The following ATG16L2 variants were observed in gnomAD, a reference collection of about 807,000 sequenced individuals.
The protein encoded by ATG16L2 is autophagy related 16 like 2.
In ATG16L2, 77 loss-of-function variants were observed where a neutral mutation model predicts 84.7. The observed-to-expected ratio is 0.91, with a 90% CI of 0.76 to 1.10. The LOEUF (loss-of-function observed/expected upper bound fraction) is 1.10. ATG16L2 is among the 50% of genes least tolerant of loss of function. ATG16L2 has a pLI of 0.00. For synonymous variants in ATG16L2, 361 were observed against 342.8 expected, an observed-to-expected ratio of 1.05 and a Z score of -0.59; for missense variants, 782 against 817.6, an observed-to-expected ratio of 0.96 and a Z score of 0.53.
At chr11:72,841,431 C>G in intron 5 of ATG16L2, 1 of 1,605,738 alleles carries the variant, frequency 6.2e-7, no homozygotes, top group Middle Eastern at 1.7e-4. Context: ...TGCATTTAGA[C>G]CCATGCCCAG....
intron 5 of ATG16L2, chr11:72,838,668 T>G: frequency 1.3e-6 from 1 of 778,064 alleles, no homozygotes. Flanking sequence ...CAGTCACACA[T>G]AATCCTCCTT....
Position 72,828,526 on chromosome 11 carries a change from G to A in ATG16L2, c.1622+18G>A. 6.2e-7 allele frequency: 1 copy of A among 1,614,088 alleles called. No homozygotes were observed. The highest frequency in any genetic ancestry group is 8.5e-7 in the Non-Finnish European group (1 of 1,179,998). The stretch of plus-strand genomic sequence containing the variant: ...GTGTTCAGGTACCAGCCTCATGCCT[G>A]CTGACCCTGTGGCCTTTGCTGGGAC... On this transcript the variant is annotated intron_variant, in intron 15 of 17. Transcript: ENST00000321297.
intron 5 of ATG16L2, chr11:72,838,878 A>G (rs753811747): frequency 1.0e-5 from 16 of 1,604,552 alleles, no homozygotes; most frequent in Admixed American, 3.4e-5. Context: ...CCCGGACCTG[A>G]GCAGGAAACA....
chr11:72,841,101 A>C, intron 5 of ATG16L2: 1 of 673,832 alleles, frequency 1.5e-6, no homozygotes, highest in Admixed American at 2.1e-5. Context: ...CCAGAAGTTC[A>C]AGGCTGCAGT....
intron 3 of ATG16L2, among the ~76,000 whole-genome samples, chr11:72,820,638 G>A (rs1252778345): frequency 2.0e-5 from 3 of 152,180 alleles, no homozygotes; most frequent in African/African-American, 2.4e-5. Context: ...CACATAGCGC[G>A]TCATGTCAGT....
chr11:72,824,164 G>A (rs766083733), intron 8 of ATG16L2, 42 bp downstream of exon 8: 41 of 1,612,258 alleles, frequency 2.5e-5, no homozygotes, highest in African/African-American at 6.7e-5. Context: ...CGTGTGTGTC[G>A]GGCTCCCCAG....
chr11:72,820,876 A>G (rs755193106), intron 3 of ATG16L2, among the ~76,000 whole-genome samples: 34 of 152,112 alleles, frequency 2.2e-4, no homozygotes, highest in Non-Finnish European at 8.8e-5. Context: ...GCGGGAGTGC[A>G]GATGAAATGA....
rs781724178 is a variant in ATG16L2 at position 72,825,284 on chromosome 11, C to T, written c.997-18C>T. On this transcript the variant is annotated intron_variant, in intron 9 of 17. Transcript: ENST00000321297. The stretch of plus-strand genomic sequence containing the variant: ...TGCGCGGGGAGGGCCGGGGCACCAA[C>T]CTCCCCTTTCCCCACAGGATGCCCA... 20 of 1,607,852 alleles carry T rather than the reference C, an allele frequency of 1.2e-5. No homozygotes were observed. The highest frequency in any genetic ancestry group is 1.6e-5 in the Non-Finnish European group (19 of 1,175,426).
intron 14 of ATG16L2, among the ~76,000 whole-genome samples, chr11:72,827,660 C>T (rs1480928491): frequency 2.0e-5 from 3 of 152,190 alleles, no homozygotes; most frequent in Non-Finnish European, 2.9e-5. Context: ...AGCTAGAGGC[C>T]AGGCGTGGTG....
chr11:72,820,448 A>G lies in ATG16L2; in HGVS notation c.319-1220A>G, dbSNP rs572567836. 1.3e-5 allele frequency: 2 copies of G among 152,352 alleles called. 1 individual carries two copies. Among genetic ancestry groups the G allele is most frequent in the African/African-American group, 4.8e-5 (2 of 41,576 alleles). 9.4% of individuals were successfully genotyped at this position (152,352 alleles called of 1,614,324 possible). On this transcript the variant is annotated intron_variant, in intron 3 of 17. Coordinates refer to ENST00000321297, the MANE Select transcript of ATG16L2 (RefSeq NM_033388.2). ...CCACTTCTACTACTTGAATTTTGAA[A>G]GGCATACAATAAAATATTGAATGGT...
chr11:72,822,137 G>A lies in ATG16L2; in HGVS notation c.486G>A (p.Val162=), dbSNP rs747525162. ...AGGAGTGGCGGGCGCAGAATGCGGTGCAGCGGGCAGCCTACGAGGCGCTGC... is the reference window on the plus strand; with the variant it reads ...AGGAGTGGCGGGCGCAGAATGCGGTACAGCGGGCAGCCTACGAGGCGCTGC... The part of the protein sequence containing the change: ...QVEEWRAQNA[V]QRAAYEALRA... The change falls in exon 5 of 18, where the codon GTG becomes GTA. Residue 162 remains valine (V), a synonymous_variant. Coordinates refer to ENST00000321297, the MANE Select transcript of ATG16L2 (RefSeq NM_033388.2). The surrounding 1 kb of genome is among the most constrained non-coding windows in gnomAD (Gnocchi z 4.2). 1.5e-5 allele frequency: 22 copies of A among 1,502,308 alleles called. No individual in the cohort carries two copies. In the South Asian group the frequency reaches 2.5e-4, roughly 17 times the overall value. 93.1% of individuals were successfully genotyped at this position (1,502,308 alleles called of 1,614,324 possible).
At position 72,824,131 on chromosome 11, in the gene ATG16L2, G is replaced by T. The variant is rs368710471; in HGVS notation, c.887+9G>T. Reference sequence around the variant, plus strand: ...GTGAAGGGGCTTCTGGAGTAAGTGTGTGTGTGCCTGTGTGTGCACCCACGT... The same window carrying T: ...GTGAAGGGGCTTCTGGAGTAAGTGTTTGTGTGCCTGTGTGTGCACCCACGT... On this transcript the variant is annotated intron_variant, in intron 8 of 17. Transcript: ENST00000321297. The T allele has an allele frequency of 3.7e-6, 6 of 1,614,182 alleles. No homozygotes were observed. The highest frequency in any genetic ancestry group is 5.1e-6 in the Non-Finnish European group (6 of 1,180,004).
intron 13 of ATG16L2, 43 bp downstream of exon 13, chr11:72,826,866 G>A: frequency 1.2e-6 from 2 of 1,602,824 alleles, no homozygotes; most frequent in Non-Finnish European, 1.7e-6. Flanking sequence ...CCACCAGCCA[G>A]GAGCCCCAGG....
chr11:72,816,874 G>A (rs1260065892), intron 2 of ATG16L2, 47 bp downstream of exon 2: 2 of 1,501,774 alleles, frequency 1.3e-6, no homozygotes, highest in Non-Finnish European at 1.8e-6. Flanking sequence ...CTGTGCTGGG[G>A]CCCTGCCCCT....
intron 3 of ATG16L2, chr11:72,818,311 T>C: frequency 6.3e-6 from 1 of 158,982 alleles, no homozygotes; most frequent in Non-Finnish European, 1.4e-5. Context: ...TGGCTTCTCT[T>C]TCACCATGCT....
chr11:72,828,956 CTG>C lies in ATG16L2; in HGVS notation c.1745_1746del (p.Leu582ArgfsTer87). The part of the protein sequence containing the change: ...LYIWDVDTGK[L>X]ESRLQGPHCA... ...CATCTGGGATGTGGACACCGGGAAA[CTG>C]GAGAGCAGACTACAGGGACCCCATT... On this transcript the variant is annotated frameshift_variant, in exon 17 of 18. Coordinates refer to ENST00000321297, the MANE Select transcript of ATG16L2 (RefSeq NM_033388.2). LOFTEE classifies it high-confidence loss of function. The C allele has an allele frequency of 1.2e-6, 2 of 1,614,174 alleles. No individual in the cohort carries two copies. The highest frequency in any genetic ancestry group is 1.3e-5 in the African/African-American group (1 of 75,034).
intron 5 of ATG16L2, chr11:72,840,817 T>G: frequency 8.0e-7 from 1 of 1,249,896 alleles, no homozygotes. Flanking sequence ...AAACATTAAT[T>G]CCTTACTTTC....
Position 72,842,616 on chromosome 11 carries a change from G to A in ATG16L2, c.*22-1G>A. On this transcript the variant is annotated splice_acceptor_variant, in intron 5 of 5. Transcript: ENST00000534905. LOFTEE classifies it low-confidence loss of function (3UTR_SPLICE). ...TTTAATTCAACTGTCTCCCCTCTCA[G>A]GTACCTGAATCTCTCTCATCCATGG... 6.2e-7 allele frequency: 1 copy of A among 1,613,936 alleles called. No individual in the cohort carries two copies. The highest frequency in any genetic ancestry group is 1.1e-5 in the South Asian group (1 of 91,080).
rs1187143165 is a variant in ATG16L2 at position 72,822,364 on chromosome 11, G to C, written c.644+69G>C. On this transcript the variant is annotated intron_variant, in intron 5 of 17. Transcript: ENST00000321297. The surrounding 1 kb of genome is among the most constrained non-coding windows in gnomAD (Gnocchi z 4.2). ...CTGCAGGGAGGAGTCGGGCCTCGCC[G>C]GTGTCTGGAAGGGAGGGGGGCAGCA... The C allele has an allele frequency of 1.3e-6, 2 of 1,565,746 alleles. No individual in the cohort carries two copies. Among genetic ancestry groups the C allele is most frequent in the South Asian group, 2.3e-5 (2 of 86,382 alleles).
Sources: gnomAD v4.1 joint callset for allele counts (sites outside exome capture counted in the v4.1 genomes callset) on GRCh38, gnomAD v4.1.1 for gene constraint, Gnocchi (gnomAD v3.1) non-coding constraint, MANE v1.5 for transcripts, NCBI Gene and HGNC (gene_info 2026-07-23, HGNC 2026-07-21) for gene names.